DLEU7: variants seen among roughly 807,000 people sequenced by gnomAD.
The protein encoded by DLEU7 is deleted in lymphocytic leukemia 7.
Under a neutral mutation model 16.0 loss-of-function variants are expected in DLEU7, and 17 were observed. The ratio of observed to expected loss-of-function variants is 1.06; its 90% CI spans 0.73 to 1.59. The LOEUF is 1.59. DLEU7 is among the 40% of genes most tolerant of loss of function. The pLI, the probability that DLEU7 is intolerant of heterozygous loss-of-function variation, is 0.00. For missense variants in DLEU7, 308 were observed against 314.9 expected, an observed-to-expected ratio of 0.98 and a Z score of 0.17; for synonymous variants, 113 against 139.8, an observed-to-expected ratio of 0.81 and a Z score of 1.35.
intron 1 of DLEU7, among the ~76,000 whole-genome samples, chr13:50,747,244 G>A (rs1874425739): frequency 6.6e-6 from 1 of 151,762 alleles, no homozygotes; most frequent in Non-Finnish European, 1.5e-5. Flanking sequence ...GAAAGGAGTG[G>A]ACTTTGTGTG....
chr13:50,821,372 T>C (rs562478347), downstream of DLEU7, among the ~76,000 whole-genome samples: 4 of 152,128 alleles, frequency 2.6e-5, no homozygotes, highest in Non-Finnish European at 5.9e-5. Context: ...ACCAAAGTTC[T>C]AGTAGCATCA....
chr13:50,720,837 A>C (rs1229839692), intron 1 of DLEU7, among the ~76,000 whole-genome samples: 2 of 152,320 alleles, frequency 1.3e-5, no homozygotes, highest in Middle Eastern at 3.4e-3. Flanking sequence ...TAAGTAACTT[A>C]ATATCAAAGA....
intron 1 of DLEU7, among the ~76,000 whole-genome samples, chr13:50,757,079 C>T (rs1874783732): frequency 6.6e-6 from 1 of 152,184 alleles, no homozygotes; most frequent in Non-Finnish European, 1.5e-5. Context: ...ACAGTGTCTT[C>T]CAGGTCCTGC....
intron 1 of DLEU7, among the ~76,000 whole-genome samples, chr13:50,799,139 T>C (rs1876180502): frequency 6.6e-6 from 1 of 152,188 alleles, no homozygotes; most frequent in Non-Finnish European, 1.5e-5. Context: ...ACAATGAGCT[T>C]TGCCTTGGTT....
At position 50,753,882 on chromosome 13, in the gene DLEU7, G is replaced by A. The variant is rs541176792; in HGVS notation, c.460-40642C>T. ...GTCACCTCTCAGTGTCATTATTGTC[G>A]TTCAGTTTGAAGAATTTTTTAATTT... is the stretch of plus-strand genomic sequence containing the variant. On this transcript the variant is annotated intron_variant, in intron 1 of 1. Transcript: ENST00000400393. 7.9e-4 allele frequency among the ~76,000 whole-genome samples: 120 copies of A among 152,326 alleles called. 1 individual carries two copies. The highest frequency in any genetic ancestry group is 1.9e-3 in the East Asian group (10 of 5,178).
chr13:50,745,412 G>T (rs1352129199), intron 1 of DLEU7, among the ~76,000 whole-genome samples: 1 of 152,164 alleles, frequency 6.6e-6, no homozygotes, highest in Non-Finnish European at 1.5e-5. Context: ...GGGAGGTTTG[G>T]GAAATGGGGA....
intron 1 of DLEU7, among the ~76,000 whole-genome samples, chr13:50,780,719 A>G (rs1875626104): frequency 6.6e-6 from 1 of 152,196 alleles, no homozygotes; most frequent in Admixed American, 6.5e-5. Context: ...GGGTTCCCAC[A>G]GAAACGAGGT....
chr13:50,712,379 A>G (rs1873316918), exon 2 of DLEU7: 1 of 152,148 alleles, frequency 6.6e-6, no homozygotes, highest in Admixed American at 6.5e-5. Context: ...CATTCTATCA[A>G]GAGCTTTTTT....
chr13:50,834,443 A>C (rs1006247443), intron 1 of DLEU7, among the ~76,000 whole-genome samples: 1 of 147,706 alleles, frequency 6.8e-6, no homozygotes, highest in Admixed American at 6.8e-5. Context: ...AAAAAAAAAA[A>C]CTCATCATCA....
chr13:50,718,979 C>G (rs917369770), intron 1 of DLEU7, among the ~76,000 whole-genome samples: 1 of 152,096 alleles, frequency 6.6e-6, no homozygotes, highest in African/African-American at 2.4e-5. Flanking sequence ...TTCCCATTAA[C>G]AAATTCAGTT....
At chr13:50,783,807 C>A (rs1024934908) in intron 1 of DLEU7, among the ~76,000 whole-genome samples, 14 of 152,178 alleles carry the variant, frequency 9.2e-5, no homozygotes, top group Non-Finnish European at 1.9e-4. Flanking sequence ...CACTTTTTTA[C>A]ACACCCATCC....
intron 1 of DLEU7, among the ~76,000 whole-genome samples, chr13:50,811,585 A>T (rs1242603379): frequency 6.6e-6 from 1 of 152,166 alleles, no homozygotes; most frequent in Non-Finnish European, 1.5e-5. Context: ...AAATGGACCC[A>T]TCAAATGGGT....
chr13:50,727,406 A>G (rs77403504), intron 1 of DLEU7, among the ~76,000 whole-genome samples: 3,072 of 152,240 alleles, frequency 0.02, 69 homozygotes, highest in African/African-American at 0.051. Context: ...CTCCAACCAA[A>G]TACTAATTTG....
At chr13:50,831,015 G>A (rs921516737) in intron 1 of DLEU7, among the ~76,000 whole-genome samples, 16 of 151,974 alleles carry the variant, frequency 1.1e-4, no homozygotes, top group African/African-American at 3.9e-4. Flanking sequence ...ATTAGCTCAT[G>A]GATATGGAAG....
chr13:50,783,039 G>A (rs1254893604), intron 1 of DLEU7, among the ~76,000 whole-genome samples: 1 of 152,176 alleles, frequency 6.6e-6, no homozygotes, highest in East Asian at 1.9e-4. Flanking sequence ...CAGAAGTTGG[G>A]AAAAGTCAAC....
At chr13:50,738,368 G>A (rs1271083453) in intron 1 of DLEU7, among the ~76,000 whole-genome samples, 1 of 152,160 alleles carries the variant, frequency 6.6e-6, no homozygotes, top group Non-Finnish European at 1.5e-5. Context: ...TTTTTTGGGA[G>A]AGGAGTATTT....
chr13:50,830,449 G>A (rs1877226272), intron 1 of DLEU7, among the ~76,000 whole-genome samples: 1 of 152,198 alleles, frequency 6.6e-6, no homozygotes, highest in Non-Finnish European at 1.5e-5. Context: ...TATAGCAAAT[G>A]TCCGTTGCAG....
chr13:50,747,421 T>G lies in DLEU7; in HGVS notation c.460-34181A>C, dbSNP rs1874435373. ...GTGCGCGCATTTGTGTGTGTGTGTT[T>G]GGGGGGCACATAAGATGGATGAATA... On this transcript the variant is annotated intron_variant, in intron 1 of 1. Transcript: ENST00000400393. 2.0e-5 allele frequency among the ~76,000 whole-genome samples: 3 copies of G among 151,006 alleles called. No individual in the cohort carries two copies. The Admixed American group carries it at 2.0e-4, about 10-fold the overall frequency.
At chr13:50,782,923 T>C (rs1566249880) in intron 1 of DLEU7, among the ~76,000 whole-genome samples, 1 of 152,218 alleles carries the variant, frequency 6.6e-6, no homozygotes, top group Non-Finnish European at 1.5e-5. Context: ...ACCTACAACA[T>C]GAGCTCCCAA....
Sources: gnomAD v4.1 joint callset for allele counts (sites outside exome capture counted in the v4.1 genomes callset) on GRCh38, gnomAD v4.1.1 for gene constraint, MANE v1.5 for transcripts, NCBI Gene and HGNC (gene_info 2026-07-23, HGNC 2026-07-21) for gene names.